The following KIAA0232 variants were observed in gnomAD, a reference collection of about 807,000 sequenced individuals.
KIAA0232 encodes KIAA0232.
Under a neutral mutation model 122.0 loss-of-function variants are expected in KIAA0232, and 27 were observed. The ratio of observed to expected loss-of-function variants is 0.22; its 90% CI spans 0.16 to 0.31. The LOEUF (loss-of-function observed/expected upper bound fraction) is 0.31, where lower values mean the gene tolerates loss of function less well. KIAA0232 is among the 10% of genes least tolerant of loss of function. The probability of loss-of-function intolerance (pLI) is 1.00; values close to 1 mark genes in which losing one functional copy is unlikely to be tolerated. For synonymous variants in KIAA0232, 613 were observed against 587.6 expected, an observed-to-expected ratio of 1.04 and a Z score of -0.63; for missense variants, 1,551 against 1,634.2, an observed-to-expected ratio of 0.95 and a Z score of 0.88.
chr4:6,821,592 A>T (rs1718425701), intron 2 of KIAA0232, among the ~76,000 whole-genome samples: 1 of 152,076 alleles, frequency 6.6e-6, no homozygotes. Context: ...CATGGTGTAT[A>T]TATATACACA....
chr4:6,869,071 C>T (rs1043057459), intron 7 of KIAA0232, among the ~76,000 whole-genome samples: 7 of 152,116 alleles, frequency 4.6e-5, no homozygotes, highest in African/African-American at 7.2e-5. Flanking sequence ...ATGAGGAAGA[C>T]GTGGTCCCGC....
At chr4:6,853,737 T>C (rs1208015549) in intron 4 of KIAA0232, among the ~76,000 whole-genome samples, 1 of 152,230 alleles carries the variant, frequency 6.6e-6, no homozygotes, top group Non-Finnish European at 1.5e-5. Flanking sequence ...CAAATTGCCT[T>C]TCTTTTACTT....
intron 4 of KIAA0232, among the ~76,000 whole-genome samples, chr4:6,843,801 C>T (rs1341223527): frequency 6.6e-6 from 1 of 151,912 alleles, no homozygotes; most frequent in Non-Finnish European, 1.5e-5. Context: ...TCTCTGAAAG[C>T]CTGACTCCCC....
At chr4:6,798,234 A>T (rs996047241) in intron 1 of KIAA0232, among the ~76,000 whole-genome samples, 3 of 152,190 alleles carry the variant, frequency 2.0e-5, no homozygotes, top group African/African-American at 7.2e-5. Context: ...AATCCATGAA[A>T]TGGGAGGTTT....
chr4:6,839,741 T>C (rs1719544689), intron 3 of KIAA0232, among the ~76,000 whole-genome samples: 1 of 152,126 alleles, frequency 6.6e-6, no homozygotes, highest in South Asian at 2.1e-4. Context: ...TGAGGGCATT[T>C]CTAGTTATGT....
intron 4 of KIAA0232, among the ~76,000 whole-genome samples, chr4:6,842,804 G>A (rs191387047): frequency 3.9e-5 from 6 of 152,174 alleles, no homozygotes; most frequent in African/African-American, 1.2e-4. Context: ...GGCCAGGCTG[G>A]TCTTGAACTC....
intron 7 of KIAA0232, among the ~76,000 whole-genome samples, chr4:6,870,292 G>T (rs952286829): frequency 2.0e-5 from 3 of 152,216 alleles, no homozygotes; most frequent in Non-Finnish European, 2.9e-5. Context: ...TTCAGGCTAG[G>T]TCCCTCTTCT....
chr4:6,787,549 C>G (rs1577350191), intron 1 of KIAA0232, among the ~76,000 whole-genome samples: 1 of 152,164 alleles, frequency 6.6e-6, no homozygotes, highest in Non-Finnish European at 1.5e-5. Context: ...TACTTGTTAC[C>G]CAGCCTGGAA....
Position 6,858,436 on chromosome 4 carries a change from C to A in KIAA0232, c.448C>A (p.His150Asn), listed in dbSNP as rs777659873. Residue 150 changes from histidine (H) to asparagine (N), a missense_variant, in exon 6 of 10, where the codon CAC becomes AAC. Around this residue, in one of 5 missense-constraint regions of KIAA0232, gnomAD observed 377 missense variants for 381.7 expected, o/e 0.99. Coordinates refer to ENST00000307659, the MANE Select transcript of KIAA0232 (RefSeq NM_014743.3). ...TTGTTTCATAACAGAAGAGAAGATT[C>A]ACAAAAAGTTAGAGGGGTCTCCCTC... ...DLQSKQEEKI[H>N]KKLEGSPSPE... The A allele has an allele frequency of 1.3e-6, 2 of 1,597,614 alleles. No individual in the cohort carries two copies. Among genetic ancestry groups the A allele is most frequent in the Non-Finnish European group, 1.7e-6 (2 of 1,172,022 alleles).
intron 2 of KIAA0232, among the ~76,000 whole-genome samples, chr4:6,821,617 T>C (rs1446391647): frequency 6.6e-6 from 1 of 151,954 alleles, no homozygotes; most frequent in African/African-American, 2.4e-5. Context: ...TATACACATA[T>C]CTATATATAT....
At chr4:6,796,382 C>T (rs1427901899) in intron 1 of KIAA0232, among the ~76,000 whole-genome samples, 1 of 152,142 alleles carries the variant, frequency 6.6e-6, no homozygotes, top group Non-Finnish European at 1.5e-5. Flanking sequence ...ACTGGGACTA[C>T]AGGTGTGTGC....
rs747448447 is a variant in KIAA0232 at position 6,863,529 on chromosome 4, A to G, written c.3147A>G (p.Ser1049=). 1.2e-6 allele frequency: 2 copies of G among 1,614,192 alleles called. No individual in the cohort carries two copies. Among genetic ancestry groups the G allele is most frequent in the Non-Finnish European group, 1.7e-6 (2 of 1,180,032 alleles). ...FSSFDLSNPF[S]QVLHVECSFE... is the part of the protein sequence containing the mutation. ...CCTTTGACTTAAGCAATCCATTTTC[A>G]CAAGTTCTTCATGTAGAATGCTCAT... is the stretch of plus-strand genomic sequence containing the variant. The change falls in exon 7 of 10, where the codon TCA becomes TCG. Residue 1049 remains serine (S), a synonymous_variant. Coordinates refer to ENST00000307659, the MANE Select transcript of KIAA0232 (RefSeq NM_014743.3).
chr4:6,861,638 A>C lies in KIAA0232; in HGVS notation c.1256A>C (p.Lys419Thr). The change falls in exon 7 of 10, where the codon AAA (lysine) becomes ACA (threonine). Residue 419 changes from lysine to threonine, a missense_variant. By Grantham distance (78) the Lys-to-Thr change is moderately conservative. This residue lies in a region of KIAA0232 where 1,108 missense variants were observed against 1,154.8 expected (regional missense o/e 0.96). Transcript: ENST00000307659. ...TTTGTTCCTCTGAGCAGAAAAAGTA[A>C]ACTAGAGACCACATACCGAAACAGA... The part of the protein sequence containing the change: ...EYFVPLSRKS[K>T]LETTYRNRQD... 6.2e-7 allele frequency: 1 copy of C among 1,614,100 alleles called. No individual in the cohort carries two copies. Among genetic ancestry groups the C allele is most frequent in the Non-Finnish European group, 8.5e-7 (1 of 1,180,028 alleles).
intron 4 of KIAA0232, among the ~76,000 whole-genome samples, chr4:6,843,927 C>CTTTTTTTTTTTTTTT (rs373793407): frequency 1.3e-4 from 6 of 46,318 alleles, no homozygotes; most frequent in African/African-American, 4.1e-4. Context: ...AGTTACCCAT[C>CTTTTTTTTTTTTTTT]TTTTTTTTTT....
chr4:6,865,832 G>A (rs921603599), intron 7 of KIAA0232, among the ~76,000 whole-genome samples: 1 of 152,072 alleles, frequency 6.6e-6, no homozygotes, highest in Non-Finnish European at 1.5e-5. Flanking sequence ...AATTAATTTT[G>A]CCCCTCTCTT....
At position 6,855,333 on chromosome 4, in the gene KIAA0232, C is replaced by T. The variant is rs900909969; in HGVS notation, c.370-1831C>T. ...GAACTCCTGACCTCAAGTGATCCAC[C>T]CACCTTGGCCTCCCAAAGTGCTGGG... is the stretch of plus-strand genomic sequence containing the variant. On this transcript the variant is annotated intron_variant, in intron 4 of 9. Coordinates refer to ENST00000307659, the MANE Select transcript of KIAA0232 (RefSeq NM_014743.3). This position sits in a 1 kb window ranked among gnomAD's most constrained non-coding sequence, Gnocchi z 4.3. 6.6e-6 allele frequency among the ~76,000 whole-genome samples: 1 copy of T among 152,004 alleles called. No homozygotes were observed. The highest frequency in any genetic ancestry group is 2.1e-4 in the South Asian group (1 of 4,822).
chr4:6,878,888 G>A (rs567634791), intron 9 of KIAA0232, among the ~76,000 whole-genome samples: 7 of 152,164 alleles, frequency 4.6e-5, no homozygotes, highest in African/African-American at 1.4e-4. Context: ...TGACCTGTCC[G>A]GCTCCACACA....
At chr4:6,826,115 C>T (rs896112640) in intron 3 of KIAA0232, among the ~76,000 whole-genome samples, 3 of 152,234 alleles carry the variant, frequency 2.0e-5, no homozygotes, top group Non-Finnish European at 4.4e-5. Context: ...TCTTTCCAGC[C>T]AGCTTAACAT....
intron 7 of KIAA0232, among the ~76,000 whole-genome samples, chr4:6,866,537 G>A (rs1721191494): frequency 6.6e-6 from 1 of 152,148 alleles, no homozygotes; most frequent in Non-Finnish European, 1.5e-5. Flanking sequence ...ACATTGCTTG[G>A]TCAGTCTGAA....
Sources: allele counts gnomAD v4.1 joint callset (sites outside exome capture counted in the v4.1 genomes callset), GRCh38; gene constraint gnomAD v4.1.1; regional missense constraint gnomAD v4.1.1; non-coding constraint Gnocchi (gnomAD v3.1); transcripts MANE v1.5; gene names NCBI Gene and HGNC (gene_info 2026-07-23, HGNC 2026-07-21).